The following ARHGAP10 variants were observed in gnomAD, a reference collection of about 807,000 sequenced individuals.
ARHGAP10 encodes the protein rho GTPase-activating protein 10.
In ARHGAP10, 87 loss-of-function variants were observed where a neutral mutation model predicts 108.6. The ratio of observed to expected loss-of-function variants is 0.80; its 90% CI spans 0.67 to 0.96. The LOEUF (loss-of-function observed/expected upper bound fraction) is 0.96. Ranked by LOEUF, ARHGAP10 falls within the 40% of genes least tolerant of loss-of-function variation. ARHGAP10 has a pLI of 0.00. For missense variants in ARHGAP10, 939 were observed against 954.5 expected, an observed-to-expected ratio of 0.98 and a Z score of 0.21; for synonymous variants, 347 against 341.1, an observed-to-expected ratio of 1.02 and a Z score of -0.19.
rs774056119 is a variant in ARHGAP10, at chr4:147,857,531, A to G, written c.385-22A>G. Reference sequence around the variant, plus strand: ...TGTATCCTTTTGTTTCTGTTTAATCATAGTTTTTTTTTTATTTGTAGGAAG... The same window carrying G: ...TGTATCCTTTTGTTTCTGTTTAATCGTAGTTTTTTTTTTATTTGTAGGAAG... On this transcript the variant is annotated intron_variant, in intron 4 of 22. Transcript: ENST00000336498. 5.1e-6 allele frequency: 7 copies of G among 1,369,480 alleles called. No individual in the cohort carries two copies. The South Asian group carries it at 1.0e-4, about 20-fold the overall frequency. 84.8% of individuals were successfully genotyped at this position (1,369,480 alleles called of 1,614,324 possible).
intron 20 of ARHGAP10, among the ~76,000 whole-genome samples, chr4:148,050,530 C>T (rs1049351240): frequency 1.6e-4 from 24 of 151,924 alleles, no homozygotes; most frequent in African/African-American, 5.6e-4. Context: ...CCCACCACCA[C>T]GCCTGGCTAA....
chr4:147,833,378 C>T (rs546509415), intron 3 of ARHGAP10, among the ~76,000 whole-genome samples: 4 of 152,308 alleles, frequency 2.6e-5, no homozygotes, highest in South Asian at 2.1e-4. Flanking sequence ...CCATGTAAGA[C>T]GTGCCCTTCT....
intron 7 of ARHGAP10, among the ~76,000 whole-genome samples, chr4:147,868,480 C>A (rs937426112): frequency 6.6e-6 from 1 of 152,188 alleles, no homozygotes; most frequent in Non-Finnish European, 1.5e-5. Context: ...AAGTGATCCT[C>A]CTTCCTCAGC....
intron 3 of ARHGAP10, among the ~76,000 whole-genome samples, chr4:147,837,650 T>TTTTTTTG (rs1553955216): frequency 2.7e-5 from 3 of 112,006 alleles, no homozygotes; most frequent in East Asian, 3.1e-4. Context: ...ACTGTTTTTT[T>TTTTTTTG]TTTTTTTTTT....
chr4:148,060,889 T>G (rs1038289827), intron 20 of ARHGAP10, among the ~76,000 whole-genome samples: 1 of 151,976 alleles, frequency 6.6e-6, no homozygotes, highest in Non-Finnish European at 1.5e-5. Flanking sequence ...ACAAAAAAGG[T>G]GAATGTGGAG....
At chr4:147,787,802 C>T (rs910336709) in intron 1 of ARHGAP10, among the ~76,000 whole-genome samples, 1 of 152,044 alleles carries the variant, frequency 6.6e-6, no homozygotes, top group African/African-American at 2.4e-5. Flanking sequence ...AACAGAACCT[C>T]ATCTTTGGAA....
intron 12 of ARHGAP10, among the ~76,000 whole-genome samples, chr4:147,911,270 A>G (rs1420251727): frequency 6.6e-6 from 1 of 152,164 alleles, no homozygotes; most frequent in Non-Finnish European, 1.5e-5. Flanking sequence ...ATATTCATGG[A>G]TTGTTCTTGT....
At chr4:147,927,140 G>A (rs1453303971) in intron 13 of ARHGAP10, among the ~76,000 whole-genome samples, 1 of 152,038 alleles carries the variant, frequency 6.6e-6, no homozygotes, top group Non-Finnish European at 1.5e-5. Context: ...CTTTTTTTGA[G>A]GATGTTGGAG....
intron 13 of ARHGAP10, among the ~76,000 whole-genome samples, chr4:147,918,256 C>T (rs1025996739): frequency 2.6e-5 from 4 of 151,500 alleles, no homozygotes; most frequent in Non-Finnish European, 5.9e-5. Flanking sequence ...CTGCCTCAGC[C>T]TCCTGAGTAG....
chr4:147,998,814 A>G (rs1192710970), intron 18 of ARHGAP10, among the ~76,000 whole-genome samples: 1 of 152,228 alleles, frequency 6.6e-6, no homozygotes, highest in Non-Finnish European at 1.5e-5. Flanking sequence ...CTTCCTAAAT[A>G]TATCTTAAAA....
At position 147,769,117 on chromosome 4, in the gene ARHGAP10, A is replaced by C. The variant is rs373710174; in HGVS notation, c.154+36662A>C. On this transcript the variant is annotated intron_variant, in intron 1 of 22. Transcript: ENST00000336498. ...GCAGCATGATTTCATTATTGCTCTC[A>C]GGAACTGGATAATGCTTTAAGGTAG... 2.6e-5 allele frequency among the ~76,000 whole-genome samples: 4 copies of C among 152,312 alleles called. No homozygotes were observed. In the East Asian group the frequency reaches 7.7e-4, roughly 29 times the overall value.
At chr4:148,046,050 G>A (rs1040634368) in intron 19 of ARHGAP10, among the ~76,000 whole-genome samples, 1 of 152,226 alleles carries the variant, frequency 6.6e-6, no homozygotes, top group Non-Finnish European at 1.5e-5. Context: ...TGAGGATTAG[G>A]CCAAAGGGCC....
intron 1 of ARHGAP10, among the ~76,000 whole-genome samples, chr4:147,737,480 G>T (rs1323034098): frequency 6.6e-6 from 1 of 150,734 alleles, no homozygotes; most frequent in Non-Finnish European, 1.5e-5. Flanking sequence ...TGATAAAGTG[G>T]TGTAATTGTA....
intron 19 of ARHGAP10, among the ~76,000 whole-genome samples, chr4:148,044,849 A>G (rs1358037393): frequency 2.0e-5 from 3 of 152,228 alleles, no homozygotes; most frequent in East Asian, 1.9e-4. Flanking sequence ...GTGGTCTACC[A>G]GTGGGTTTTG....
chr4:147,756,034 G>T (rs1436318043), intron 1 of ARHGAP10, among the ~76,000 whole-genome samples: 1 of 151,170 alleles, frequency 6.6e-6, no homozygotes, highest in Non-Finnish European at 1.5e-5. Context: ...GTGGTTGCTG[G>T]CTAGTTGTCA....
intron 1 of ARHGAP10, among the ~76,000 whole-genome samples, chr4:147,820,077 C>G (rs1195719034): frequency 1.3e-5 from 2 of 152,058 alleles, no homozygotes; most frequent in African/African-American, 4.8e-5. Context: ...TAGCCCTATC[C>G]TAGGAAGGCT....
At chr4:147,921,151 A>G (rs536695760) in intron 13 of ARHGAP10, among the ~76,000 whole-genome samples, 71 of 152,364 alleles carry the variant, frequency 4.7e-4, no homozygotes, top group African/African-American at 1.7e-3. Context: ...TAGTGCAGAT[A>G]CAGCCGAATG....
intron 3 of ARHGAP10, among the ~76,000 whole-genome samples, chr4:147,841,985 T>A (rs997453723): frequency 4.6e-5 from 7 of 152,134 alleles, no homozygotes; most frequent in Non-Finnish European, 1.0e-4. Context: ...CATGCTAGAG[T>A]GCAGTGGTGC....
At chr4:147,911,471 T>C (rs988360825) in intron 12 of ARHGAP10, among the ~76,000 whole-genome samples, 9 of 152,208 alleles carry the variant, frequency 5.9e-5, no homozygotes, top group Non-Finnish European at 7.3e-5. Flanking sequence ...CACTCCGTTT[T>C]CCTGTCTCAA....
Sources: gnomAD v4.1 joint callset for allele counts (sites outside exome capture counted in the v4.1 genomes callset) on GRCh38, gnomAD v4.1.1 for gene constraint, MANE v1.5 for transcripts, NCBI Gene and HGNC (gene_info 2026-07-23, HGNC 2026-07-21) for gene names.